GRM7: variants seen among roughly 807,000 people sequenced by gnomAD.
The protein encoded by GRM7 is metabotropic glutamate receptor 7.
Under a neutral mutation model 84.5 loss-of-function variants are expected in GRM7, and 35 were observed. The ratio of observed to expected loss-of-function variants is 0.41; its 90% CI spans 0.32 to 0.55. The LOEUF (loss-of-function observed/expected upper bound fraction) is 0.55, where lower values mean the gene tolerates loss of function less well. Ranked by LOEUF, GRM7 falls within the 20% of genes least tolerant of loss-of-function variation. The probability of loss-of-function intolerance (pLI) is 0.19; values close to 1 mark genes in which losing one functional copy is unlikely to be tolerated. For synonymous variants in GRM7, 487 were observed against 455.1 expected, an observed-to-expected ratio of 1.07 and a Z score of -0.89; for missense variants, 1,003 against 1,194.6, an observed-to-expected ratio of 0.84 and a Z score of 2.36.
At chr3:7,712,929 C>T (rs1276717777) in intron 9 of GRM7, among the ~76,000 whole-genome samples, 2 of 151,986 alleles carry the variant, frequency 1.3e-5, no homozygotes, top group African/African-American at 4.8e-5. Flanking sequence ...CTGCTTCTGT[C>T]TTCATTCATG....
chr3:7,625,521 T>C (rs999621675), intron 8 of GRM7, among the ~76,000 whole-genome samples: 1 of 152,070 alleles, frequency 6.6e-6, no homozygotes, highest in Non-Finnish European at 1.5e-5. Flanking sequence ...AACAGGGACA[T>C]TGGCTGGGCT....
intron 5 of GRM7, among the ~76,000 whole-genome samples, chr3:7,447,196 C>T (rs566614353): frequency 6.6e-5 from 10 of 152,006 alleles, no homozygotes; most frequent in Non-Finnish European, 1.3e-4. Flanking sequence ...AAGGATGAAC[C>T]TCCTCCAAAT....
At chr3:7,292,695 T>C (rs1699673088) in intron 2 of GRM7, among the ~76,000 whole-genome samples, 1 of 151,808 alleles carries the variant, frequency 6.6e-6, no homozygotes, top group African/African-American at 2.4e-5. Context: ...AGGCTTCTTC[T>C]ACTGCTTACA....
intron 7 of GRM7, among the ~76,000 whole-genome samples, chr3:7,562,423 T>TAAAAC (rs1470863350): frequency 1.1e-4 from 16 of 151,764 alleles, no homozygotes; most frequent in Non-Finnish European, 4.4e-5. Context: ...AAATATAGAG[T>TAAAAC]CATATTTGGT....
chr3:7,302,315 A>G (rs1188327764), intron 3 of GRM7, among the ~76,000 whole-genome samples: 1 of 152,196 alleles, frequency 6.6e-6, no homozygotes, highest in Non-Finnish European at 1.5e-5. Flanking sequence ...TAAAGATCAC[A>G]TAGAATTTTG....
intron 2 of GRM7, among the ~76,000 whole-genome samples, chr3:7,233,308 G>A (rs1466390726): frequency 6.6e-6 from 1 of 152,082 alleles, no homozygotes; most frequent in Non-Finnish European, 1.5e-5. Context: ...CTTGATCACT[G>A]GTAAGTTTCT....
intron 4 of GRM7, among the ~76,000 whole-genome samples, chr3:7,382,808 G>A (rs561029721): frequency 6.6e-6 from 1 of 152,350 alleles, no homozygotes; most frequent in South Asian, 2.1e-4. Flanking sequence ...AGCAGACCTT[G>A]GAGATGGCAG....
intron 1 of GRM7, among the ~76,000 whole-genome samples, chr3:7,051,176 C>T (rs938442108): frequency 6.6e-6 from 1 of 151,688 alleles, no homozygotes; most frequent in Non-Finnish European, 1.5e-5. Context: ...ATAAGGTGTG[C>T]AGAATCAAAT....
At chr3:7,012,552 C>G (rs1695410886) in intron 1 of GRM7, among the ~76,000 whole-genome samples, 1 of 151,996 alleles carries the variant, frequency 6.6e-6, no homozygotes, top group South Asian at 2.1e-4. Context: ...GACCTTCCCC[C>G]ATCCTTCTCC....
chr3:7,609,934 G>C (rs1326070825), intron 8 of GRM7, among the ~76,000 whole-genome samples: 1 of 152,202 alleles, frequency 6.6e-6, no homozygotes, highest in Non-Finnish European at 1.5e-5. Context: ...CCCATTCATA[G>C]CTGGGTACTT....
intron 5 of GRM7, among the ~76,000 whole-genome samples, chr3:7,451,172 T>C (rs1697751386): frequency 6.6e-6 from 1 of 152,136 alleles, no homozygotes; most frequent in Non-Finnish European, 1.5e-5. Flanking sequence ...GGACAAGAGG[T>C]CTAGAGAGAG....
rs533614254 is a variant in GRM7 at position 7,567,608 on chromosome 3, A to G, written c.1516-10814A>G. Among the ~76,000 whole-genome samples the G allele has an allele frequency of 1.7e-3, 254 of 151,992 alleles. 1 individual carries two copies. The Middle Eastern group carries it at 0.024, about 14-fold the overall frequency. On this transcript the variant is annotated intron_variant, in intron 7 of 9. Transcript: ENST00000357716. ...CTAAAAATACAAAAATTAGCTGGGC[A>G]TGATGGAGCATGCCTGTAATCCCAG...
chr3:7,200,280 TGAC>T (rs1696021083), intron 2 of GRM7, among the ~76,000 whole-genome samples: 2 of 152,352 alleles, frequency 1.3e-5, no homozygotes, highest in South Asian at 4.1e-4. Context: ...AATTTCAGCA[TGAC>T]TTTTGATGGG....
At chr3:6,919,595 A>C (rs746545117) in intron 1 of GRM7, among the ~76,000 whole-genome samples, 52 of 150,194 alleles carry the variant, frequency 3.5e-4, no homozygotes, top group Non-Finnish European at 5.9e-4. Flanking sequence ...CACGCTGATC[A>C]GCTAGTTTTT....
At chr3:7,604,451 A>C (rs1250200130) in intron 8 of GRM7, among the ~76,000 whole-genome samples, 1 of 152,116 alleles carries the variant, frequency 6.6e-6, no homozygotes, top group Non-Finnish European at 1.5e-5. Context: ...CCCCTGCATT[A>C]TCTATGAATT....
chr3:7,069,049 A>G (rs999039530), intron 1 of GRM7, among the ~76,000 whole-genome samples: 33 of 148,402 alleles, frequency 2.2e-4, no homozygotes, highest in African/African-American at 7.9e-4. Context: ...CGATGATGAT[A>G]TACATAATTT....
At chr3:7,255,884 T>C (rs561025009) in intron 2 of GRM7, among the ~76,000 whole-genome samples, 61 of 152,324 alleles carry the variant, frequency 4.0e-4, no homozygotes, top group African/African-American at 1.4e-3. Flanking sequence ...TCCAATACAG[T>C]CTTTCTCCAG....
intron 1 of GRM7, among the ~76,000 whole-genome samples, chr3:6,921,704 G>T (rs773914488): frequency 7.2e-5 from 11 of 152,080 alleles, no homozygotes; most frequent in African/African-American, 2.4e-4. Flanking sequence ...GGTGTTGAAG[G>T]TTCCTACCAA....
intron 1 of GRM7, among the ~76,000 whole-genome samples, chr3:7,097,650 T>C (rs1336277247): frequency 1.3e-5 from 2 of 152,142 alleles, no homozygotes; most frequent in Non-Finnish European, 2.9e-5. Context: ...TAGAATTCTC[T>C]CTACTGTCTG....
Sources: allele counts gnomAD v4.1 joint callset (sites outside exome capture counted in the v4.1 genomes callset), GRCh38; gene constraint gnomAD v4.1.1; transcripts MANE v1.5; gene names NCBI Gene and HGNC (gene_info 2026-07-23, HGNC 2026-07-21).